The following SHTN1 variants were observed in gnomAD, a reference collection of about 807,000 sequenced individuals.
The protein encoded by SHTN1 is shootin-1.
A neutral mutation model predicts 83.1 loss-of-function variants in SHTN1; 42 were observed. That is an observed-to-expected ratio of 0.51 (90% CI 0.39 to 0.65). The LOEUF (loss-of-function observed/expected upper bound fraction) is 0.65, where lower values mean the gene tolerates loss of function less well. Among genes scored for constraint, SHTN1 ranks in the 30% least tolerant of loss-of-function variants. The probability of loss-of-function intolerance (pLI) is 0.00; values close to 1 mark genes in which losing one functional copy is unlikely to be tolerated. For synonymous variants in SHTN1, 224 were observed against 247.7 expected (o/e 0.90, Z 0.90); for missense variants, 622 against 737.8 (o/e 0.84, Z 1.82).
intron 1 of SHTN1, among the ~76,000 whole-genome samples, chr10:117,065,834 A>G (rs1275372378): frequency 9.6e-4 from 70 of 72,994 alleles, no homozygotes; most frequent in East Asian, 1.5e-3. Context: ...GGAAGGAAGG[A>G]AGGAAGGAAG....
At chr10:117,002,025 A>G (rs1851837187) in intron 1 of SHTN1, among the ~76,000 whole-genome samples, 1 of 152,222 alleles carries the variant, frequency 6.6e-6, no homozygotes, top group African/African-American at 2.4e-5. Flanking sequence ...GCAAAAATTC[A>G]AAAACTTGTC....
chr10:117,039,886 A>C (rs774105881), intron 2 of SHTN1, among the ~76,000 whole-genome samples: 6 of 151,846 alleles, frequency 4.0e-5, no homozygotes, highest in African/African-American at 7.2e-5. Context: ...AAAAGGGGGA[A>C]TCTCTCCATG....
chr10:116,974,621 C>T (rs933744664), intron 2 of SHTN1, among the ~76,000 whole-genome samples: 4 of 152,168 alleles, frequency 2.6e-5, no homozygotes, highest in Non-Finnish European at 4.4e-5. Context: ...CTCACCCAAA[C>T]GACTTCTAAT....
At chr10:117,115,454 T>C (rs1005674352) in intron 1 of SHTN1, among the ~76,000 whole-genome samples, 1 of 152,244 alleles carries the variant, frequency 6.6e-6, no homozygotes, top group African/African-American at 2.4e-5. Flanking sequence ...TTTCTCACAG[T>C]AACCAGCAGT....
intron 2 of SHTN1, among the ~76,000 whole-genome samples, chr10:117,022,686 C>T (rs1354732807): frequency 1.6e-4 from 24 of 152,028 alleles, no homozygotes; most frequent in Admixed American, 2.0e-4. Flanking sequence ...TTTGGGAGGC[C>T]GAGGAGGGAG....
chr10:116,909,661 C>T (rs893291859), intron 14 of SHTN1, among the ~76,000 whole-genome samples: 3 of 152,162 alleles, frequency 2.0e-5, no homozygotes, highest in African/African-American at 7.2e-5. Flanking sequence ...AATACTGAGA[C>T]ATTAAAAATT....
At chr10:117,111,509 G>A (rs752726265) in intron 1 of SHTN1, among the ~76,000 whole-genome samples, 1 of 151,922 alleles carries the variant, frequency 6.6e-6, no homozygotes, top group Non-Finnish European at 1.5e-5. Flanking sequence ...GGCCAGGCTG[G>A]TCTTGAACTC....
chr10:116,991,103 T>G (rs1447736641), intron 1 of SHTN1, among the ~76,000 whole-genome samples: 3 of 152,090 alleles, frequency 2.0e-5, no homozygotes, highest in Non-Finnish European at 4.4e-5. Context: ...GGAGAATCGC[T>G]TGAACCCGGG....
intron 4 of SHTN1, among the ~76,000 whole-genome samples, chr10:116,955,209 C>G (rs1043856565): frequency 1.3e-5 from 2 of 151,346 alleles, no homozygotes; most frequent in African/African-American, 4.9e-5. Flanking sequence ...TTATCACCTT[C>G]TTTAGCTAAT....
intron 1 of SHTN1, among the ~76,000 whole-genome samples, chr10:117,060,577 T>C (rs1307485646): frequency 1.3e-5 from 2 of 152,196 alleles, no homozygotes; most frequent in African/African-American, 2.4e-5. Context: ...GCAACTAAAA[T>C]GTAATGTCTT....
chr10:116,985,316 T>G (rs924229024), intron 1 of SHTN1, among the ~76,000 whole-genome samples: 1 of 152,144 alleles, frequency 6.6e-6, no homozygotes, highest in Non-Finnish European at 1.5e-5. Context: ...CACAAATGCA[T>G]AGAGAAGTCA....
At chr10:117,063,776 C>A (rs1852934005) in intron 1 of SHTN1, among the ~76,000 whole-genome samples, 1 of 152,050 alleles carries the variant, frequency 6.6e-6, no homozygotes, top group Non-Finnish European at 1.5e-5. Context: ...ACATTTGGTG[C>A]CTTTTCTCTA....
Position 116,927,787 on chromosome 10 carries a change from C to A in SHTN1, c.1112+5G>T. The A allele has an allele frequency of 6.4e-7, 1 of 1,559,852 alleles. No individual in the cohort carries two copies. Among genetic ancestry groups the A allele is most frequent in the Non-Finnish European group, 8.7e-7 (1 of 1,155,722 alleles). On this transcript the variant is annotated splice_donor_5th_base_variant and intron_variant, in intron 11 of 16. Coordinates refer to ENST00000355371, the MANE Select transcript of SHTN1 (RefSeq NM_001127211.3). ...ATGCAGAGCAGTCTTCCTGGATGTG[C>A]TTACCGGATAGGATTGGGAGGTGGA...
chr10:116,961,321 C>G (rs1850178483), intron 3 of SHTN1, among the ~76,000 whole-genome samples: 2 of 152,016 alleles, frequency 1.3e-5, no homozygotes, highest in African/African-American at 4.8e-5. Context: ...GTCCAAAGTT[C>G]TTATTATGTT....
At chr10:116,930,591 T>A (rs1349328543) in intron 9 of SHTN1, among the ~76,000 whole-genome samples, 2 of 152,202 alleles carry the variant, frequency 1.3e-5, no homozygotes, top group African/African-American at 4.8e-5. Context: ...CCGTATTCCA[T>A]GGTGTAATAT....
chr10:117,086,069 T>C (rs1853346835), intron 1 of SHTN1, among the ~76,000 whole-genome samples: 1 of 152,038 alleles, frequency 6.6e-6, no homozygotes. Context: ...TACAGGTGTG[T>C]GCCACCACGC....
intron 15 of SHTN1, among the ~76,000 whole-genome samples, chr10:116,903,540 G>T (rs1847834447): frequency 6.6e-6 from 1 of 151,866 alleles, no homozygotes; most frequent in Non-Finnish European, 1.5e-5. Context: ...AAAAAAAAAA[G>T]GCCTTTTCCT....
chr10:116,881,988 A>C lies in SHTN1; in HGVS notation c.*4356T>G. On this transcript the variant is annotated 3_prime_UTR_variant, in exon 17 of 17. Transcript: ENST00000355371. Reference sequence around the variant, plus strand: ...AACTCCACACTCAGTCAAACACCCCATCCTTTACCAATCAGAATATCTCTG... The same window carrying C: ...AACTCCACACTCAGTCAAACACCCCCTCCTTTACCAATCAGAATATCTCTG... 1 of 211,176 alleles carries C rather than the reference A, an allele frequency of 4.7e-6. No homozygotes were observed. The highest frequency in any genetic ancestry group is 9.3e-6 in the Non-Finnish European group (1 of 107,222). The allele number at this position is 211,176 out of a possible 1,614,324, so 13.1% of individuals were successfully genotyped here. A position where few individuals can be genotyped will look rare whatever the true frequency, so the allele number is the denominator to read the frequency against.
chr10:117,105,362 T>C (rs1159947852), intron 1 of SHTN1, among the ~76,000 whole-genome samples: 7 of 152,180 alleles, frequency 4.6e-5, no homozygotes, highest in African/African-American at 1.7e-4. Context: ...CTTTGTAGTA[T>C]AAAAAAGGCT....
Sources: gnomAD v4.1 joint callset for allele counts (sites outside exome capture counted in the v4.1 genomes callset) on GRCh38, gnomAD v4.1.1 for gene constraint, MANE v1.5 for transcripts, NCBI Gene and HGNC (gene_info 2026-07-23, HGNC 2026-07-21) for gene names.